The following HIVEP3 variants were observed in gnomAD, a reference collection of about 807,000 sequenced individuals.
HIVEP3 encodes the protein HIVEP zinc finger 3, also known as transcription factor HIVEP3.
In HIVEP3, 49 loss-of-function variants were observed where a neutral mutation model predicts 152.8. That is an observed-to-expected ratio of 0.32 (90% CI 0.26 to 0.41). HIVEP3 has a LOEUF of 0.41. Ranked by LOEUF, HIVEP3 falls within the 10% of genes least tolerant of loss-of-function variation. The pLI, the probability that HIVEP3 is intolerant of heterozygous loss-of-function variation, is 1.00. For synonymous variants in HIVEP3, 1,269 were observed against 1,289.0 expected (o/e 0.98, Z 0.33); for missense variants, 2,790 against 3,103.3 (o/e 0.90, Z 2.40).
intron 1 of HIVEP3, among the ~76,000 whole-genome samples, chr1:41,914,043 T>TA (rs1314993982): frequency 6.6e-6 from 1 of 152,148 alleles, no homozygotes; most frequent in Non-Finnish European, 1.5e-5. Context: ...CATATTTAGA[T>TA]ATAAAGCTTC....
At chr1:41,598,476 G>A (rs1644699098) in intron 3 of HIVEP3, among the ~76,000 whole-genome samples, 1 of 152,230 alleles carries the variant, frequency 6.6e-6, no homozygotes, top group Non-Finnish European at 1.5e-5. Flanking sequence ...GTGACATACA[G>A]AGTGTAGTCC....
At position 41,642,151 on chromosome 1, in the gene HIVEP3, G is replaced by A. The variant is rs1052583829; in HGVS notation, c.-720-13204C>T. On this transcript the variant is annotated intron_variant, in intron 2 of 8. Transcript: ENST00000372583. ...TCTTGTGTGAACCAACAGCAACAGC[G>A]TCTGCACTGTCCTGCCCAGCCCACC... 3.0e-4 allele frequency among the ~76,000 whole-genome samples: 45 copies of A among 152,200 alleles called. 1 individual carries two copies. The highest frequency in any genetic ancestry group is 2.8e-3 in the Admixed American group (43 of 15,280).
upstream of HIVEP3, among the ~76,000 whole-genome samples, chr1:41,920,762 A>G (rs1273846690): frequency 6.6e-6 from 1 of 152,154 alleles, no homozygotes; most frequent in Admixed American, 6.5e-5. Flanking sequence ...AGGCTTTGTA[A>G]CTTGGCTTTG....
In HIVEP3 at chr1:41,579,797, A is replaced by G. The variant is rs369766651; in HGVS notation, c.5001T>C (p.Ala1667=). ...CAAGCCTTCCTGCCTCAGGATGCGG[A>G]GCTGTGGCCATGGTGTATGTCTCTT... ...VSKETYTMAT[A]PHPEAGRLVP... Residue 1667 remains alanine, a synonymous_variant, in exon 4 of 9, where the codon GCT becomes GCC. Transcript: ENST00000372583. 1 of 1,609,258 alleles carries G rather than the reference A, an allele frequency of 6.2e-7. No homozygotes were observed. Among genetic ancestry groups the G allele is most frequent in the Non-Finnish European group, 8.5e-7 (1 of 1,176,256 alleles).
At chr1:41,734,711 G>C (rs938118552) in intron 1 of HIVEP3, among the ~76,000 whole-genome samples, 2 of 152,326 alleles carry the variant, frequency 1.3e-5, no homozygotes, top group Non-Finnish European at 2.9e-5. Flanking sequence ...AGTCCAGCCA[G>C]AGACTCAGGA....
chr1:41,661,802 A>G (rs1379305983), intron 2 of HIVEP3, among the ~76,000 whole-genome samples: 1 of 152,186 alleles, frequency 6.6e-6, no homozygotes, highest in African/African-American at 2.4e-5. Flanking sequence ...GAGGCTGTGC[A>G]CGCCAACGGC....
intron 5 of HIVEP3, among the ~76,000 whole-genome samples, chr1:41,529,567 C>G (rs1462504316): frequency 2.1e-5 from 3 of 144,044 alleles, no homozygotes; most frequent in Non-Finnish European, 4.6e-5. Flanking sequence ...ACACCCCACC[C>G]TCACACATAC....
At chr1:41,540,367 GATCT>G (rs1643499555) in intron 5 of HIVEP3, among the ~76,000 whole-genome samples, 2 of 152,230 alleles carry the variant, frequency 1.3e-5, no homozygotes, top group Admixed American at 1.3e-4. Flanking sequence ...AACAGTTTTT[GATCT>G]ATCTGAATGG....
intron 2 of HIVEP3, among the ~76,000 whole-genome samples, chr1:41,690,727 G>A (rs1314251957): frequency 1.3e-5 from 2 of 152,218 alleles, no homozygotes; most frequent in Non-Finnish European, 2.9e-5. Flanking sequence ...AGACCAGCCT[G>A]GCCAACATGG....
At position 41,686,619 on chromosome 1, in the gene HIVEP3, G is replaced by A. The variant is rs192949812; in HGVS notation, c.-721+14297C>T. Among the ~76,000 whole-genome samples the A allele has an allele frequency of 1.2e-4, 19 of 152,258 alleles. No individual in the cohort carries two copies. In the East Asian group the frequency reaches 3.7e-3, roughly 29 times the overall value. On this transcript the variant is annotated intron_variant, in intron 2 of 8. Transcript: ENST00000372583. ...GCTGTGTACTTCTAAGTACTGACTG[G>A]AACCATGCAAAAGCCCAGCCTCTTT...
chr1:41,621,256 C>T (rs988203783), intron 3 of HIVEP3, among the ~76,000 whole-genome samples: 7 of 152,232 alleles, frequency 4.6e-5, no homozygotes, highest in Admixed American at 4.6e-4. Flanking sequence ...CAGTATGGGA[C>T]AGAGCCCTGG....
At chr1:41,722,463 T>C (rs1646690252) in intron 1 of HIVEP3, among the ~76,000 whole-genome samples, 2 of 142,540 alleles carry the variant, frequency 1.4e-5, no homozygotes, top group African/African-American at 5.2e-5. Context: ...CTTCCTTCCT[T>C]CCTCCCCTTC....
chr1:41,520,579 C>T (rs1349661624), intron 6 of HIVEP3, among the ~76,000 whole-genome samples: 1 of 152,192 alleles, frequency 6.6e-6, no homozygotes, highest in Non-Finnish European at 1.5e-5. Flanking sequence ...GGTCGTGGAG[C>T]CAGGCCCACC....
At chr1:41,638,424 AAAGG>A (rs1428721942) in intron 2 of HIVEP3, among the ~76,000 whole-genome samples, 1 of 151,880 alleles carries the variant, frequency 6.6e-6, no homozygotes, top group African/African-American at 2.4e-5. Context: ...GTAAGGAAGA[AAAGG>A]AAGAAAGAAA....
At chr1:41,921,731 C>T (rs938419104), upstream of HIVEP3, among the ~76,000 whole-genome samples, 1 of 152,046 alleles carries the variant, frequency 6.6e-6, no homozygotes, top group African/African-American at 2.4e-5. Context: ...AGTTTAAAGG[C>T]AAATTAAGGG....
intron 1 of HIVEP3, among the ~76,000 whole-genome samples, chr1:41,838,266 T>G (rs528415483): frequency 6.6e-6 from 1 of 152,284 alleles, no homozygotes; most frequent in Admixed American, 6.5e-5. Context: ...CCACATAATG[T>G]CATCGACAGA....
intron 1 of HIVEP3, among the ~76,000 whole-genome samples, chr1:41,737,493 T>C (rs74071314): frequency 0.012 from 1,807 of 152,320 alleles, 32 homozygotes; most frequent in African/African-American, 0.041. Flanking sequence ...AGGCTGAGCA[T>C]ACCCCTGTCA....
At chr1:42,007,789 T>C (rs1313217171) in intron 1 of HIVEP3, among the ~76,000 whole-genome samples, 1 of 148,832 alleles carries the variant, frequency 6.7e-6, no homozygotes, top group East Asian at 2.0e-4. Flanking sequence ...TGTACTAAAA[T>C]GGTTATCGCA....
chr1:41,574,840 C>T (rs1644303439), intron 5 of HIVEP3, among the ~76,000 whole-genome samples: 1 of 152,190 alleles, frequency 6.6e-6, no homozygotes, highest in African/African-American at 2.4e-5. Flanking sequence ...CATGTGGCCA[C>T]ACAAAACACA....
Sources: gnomAD v4.1 joint callset for allele counts (sites outside exome capture counted in the v4.1 genomes callset) on GRCh38, gnomAD v4.1.1 for gene constraint, MANE v1.5 for transcripts, NCBI Gene and HGNC (gene_info 2026-07-23, HGNC 2026-07-21) for gene names.